The following SV2B variants were observed in gnomAD, a reference collection of about 807,000 sequenced individuals.
The protein encoded by SV2B is synaptic vesicle glycoprotein 2B.
In SV2B, 41 loss-of-function variants were observed where a neutral mutation model predicts 73.9. That is an observed-to-expected ratio of 0.56 (90% CI 0.43 to 0.72). The LOEUF (loss-of-function observed/expected upper bound fraction) is 0.72. Ranked by LOEUF, SV2B falls within the 30% of genes least tolerant of loss-of-function variation. The pLI is 0.00. For missense variants in SV2B, 764 were observed against 857.8 expected (o/e 0.89, Z 1.37); for synonymous variants, 314 against 314.2 (o/e 1.00, Z 0.01).
In SV2B at chr15:91,289,675, C is replaced by G. The variant is rs2048976752; in HGVS notation, c.1863C>G (p.Asn621Lys). Residue 621 changes from asparagine (N) to lysine (K), a missense_variant, in exon 12 of 13, where the codon AAC becomes AAG. Coordinates refer to ENST00000394232, the MANE Select transcript of SV2B (RefSeq NM_001323032.3). The surrounding 1 kb of genome is among the most constrained non-coding windows in gnomAD (Gnocchi z 4.9). Reference sequence around the variant, plus strand: ...TCACAGTGGAGCTGTATCCCACCAACCAGAGGTCAGTTCTTCCCCAGGCTT... The same window carrying G: ...TCACAGTGGAGCTGTATCCCACCAAGCAGAGGTCAGTTCTTCCCCAGGCTT... ...DVITVELYPT[N>K]QRATAFGILN... The G allele has an allele frequency of 6.8e-6, 11 of 1,612,344 alleles. No homozygotes were observed. The highest frequency in any genetic ancestry group is 9.3e-6 in the Non-Finnish European group (11 of 1,179,480).
At chr15:91,237,665 G>T (rs2046841325) in intron 2 of SV2B, among the ~76,000 whole-genome samples, 1 of 152,182 alleles carries the variant, frequency 6.6e-6, no homozygotes, top group Non-Finnish European at 1.5e-5. Flanking sequence ...CTGCTGAGAT[G>T]TCAGGGTTTT....
At chr15:91,155,536 A>G (rs1310296881) in intron 1 of SV2B, among the ~76,000 whole-genome samples, 1 of 152,168 alleles carries the variant, frequency 6.6e-6, no homozygotes, top group Non-Finnish European at 1.5e-5. Context: ...CCCAAGATGC[A>G]GGAGAGGACT....
intron 1 of SV2B, among the ~76,000 whole-genome samples, chr15:91,134,901 C>T (rs1006092919): frequency 4.2e-4 from 64 of 152,174 alleles, no homozygotes; most frequent in African/African-American, 1.3e-3. Context: ...CCCAACCATT[C>T]GTTCTAATGC....
At chr15:91,206,158 C>T (rs1013465341) in intron 1 of SV2B, among the ~76,000 whole-genome samples, 2 of 149,854 alleles carry the variant, frequency 1.3e-5, no homozygotes, top group Non-Finnish European at 1.5e-5. Flanking sequence ...CTGCCTCACC[C>T]TTCTGAGTAG....
chr15:91,155,850 T>C (rs1406074545), intron 1 of SV2B, among the ~76,000 whole-genome samples: 2 of 152,194 alleles, frequency 1.3e-5, no homozygotes, highest in African/African-American at 4.8e-5. Flanking sequence ...TTAAGGTAGA[T>C]AGTTGTCTGG....
In SV2B at chr15:91,226,181, A is replaced by G; in HGVS notation, c.-83A>G. On this transcript the variant is annotated 5_prime_UTR_variant, in exon 2 of 13. It removes an upstream start codon present in the reference 5' UTR. Transcript: ENST00000394232. ...TCACATTTGAACTACATAATGAATGATGGTTATTGAAATAGCCCAAACCTC... is the reference window on the plus strand; with the variant it reads ...TCACATTTGAACTACATAATGAATGGTGGTTATTGAAATAGCCCAAACCTC... 1 of 1,305,898 alleles carries G rather than the reference A, an allele frequency of 7.7e-7. No individual in the cohort carries two copies. The highest frequency in any genetic ancestry group is 1.1e-6 in the Non-Finnish European group (1 of 928,942). 80.9% of individuals were successfully genotyped at this position (1,305,898 alleles called of 1,614,324 possible).
intron 1 of SV2B, among the ~76,000 whole-genome samples, chr15:91,155,838 C>G (rs1017584085): frequency 1.3e-5 from 2 of 152,028 alleles, no homozygotes; most frequent in South Asian, 4.2e-4. Flanking sequence ...TGTTCCAGAC[C>G]GTTAAGGTAG....
At chr15:91,178,104 G>A (rs2044393531) in intron 1 of SV2B, among the ~76,000 whole-genome samples, 1 of 142,050 alleles carries the variant, frequency 7.0e-6, no homozygotes, top group South Asian at 2.3e-4. Context: ...TAGCATGAAG[G>A]TTGTTGAATT....
At chr15:91,192,909 C>T (rs1270009419) in intron 1 of SV2B, among the ~76,000 whole-genome samples, 2 of 152,328 alleles carry the variant, frequency 1.3e-5, no homozygotes, top group African/African-American at 2.4e-5. Flanking sequence ...TGGATGGATG[C>T]AGTACATTGG....
At chr15:91,275,541 T>C (rs1489948399) in intron 9 of SV2B, among the ~76,000 whole-genome samples, 2 of 152,124 alleles carry the variant, frequency 1.3e-5, no homozygotes, top group Admixed American at 1.3e-4. Context: ...AGAAGAAAAA[T>C]AGGCTGGACA....
intron 1 of SV2B, among the ~76,000 whole-genome samples, chr15:91,113,084 G>T (rs1044246842): frequency 6.6e-6 from 1 of 152,074 alleles, no homozygotes; most frequent in African/African-American, 2.4e-5. Context: ...CTCTCACCTT[G>T]GCCTCTCCTA....
At chr15:91,107,195 G>C (rs192048891) in intron 1 of SV2B, among the ~76,000 whole-genome samples, 1 of 152,148 alleles carries the variant, frequency 6.6e-6, no homozygotes, top group African/African-American at 2.4e-5. Flanking sequence ...TCATTTTTAC[G>C]TGTGGTTACT....
In SV2B at chr15:91,106,063, TA is replaced by T. The variant is rs1471059521; in HGVS notation, c.-392+5707del. On this transcript the variant is annotated intron_variant, in intron 1 of 12. Transcript: ENST00000394232. The surrounding 1 kb of genome is among the most constrained non-coding windows in gnomAD (Gnocchi z 4.4). ...AGATCATGTCAAAAATAAATAAAAATAAAAAAAGATGGTGAGAAGTGGCTAA... is the reference window on the plus strand; with the variant it reads ...AGATCATGTCAAAAATAAATAAAAATAAAAAAGATGGTGAGAAGTGGCTAA... 1.3e-5 allele frequency among the ~76,000 whole-genome samples: 2 copies of T among 151,560 alleles called. No homozygotes were observed. Among genetic ancestry groups the T allele is most frequent in the African/African-American group, 4.9e-5 (2 of 41,196 alleles).
intron 1 of SV2B, among the ~76,000 whole-genome samples, chr15:91,175,839 C>CT (rs996349143): frequency 1.0e-4 from 15 of 149,662 alleles, no homozygotes; most frequent in Middle Eastern, 3.5e-3. Flanking sequence ...CGTGAATTTT[C>CT]TTTTTTTTTG....
chr15:91,153,823 GGGC>G, intron 1 of SV2B, among the ~76,000 whole-genome samples: 1 of 152,012 alleles, frequency 6.6e-6, no homozygotes, highest in Non-Finnish European at 1.5e-5. Context: ...GCAGGGGCAG[GGGC>G]AGGGGACAGT....
chr15:91,237,451 G>C (rs1384009457), intron 2 of SV2B, among the ~76,000 whole-genome samples: 3 of 152,246 alleles, frequency 2.0e-5, no homozygotes, highest in African/African-American at 7.2e-5. Flanking sequence ...TGCACTAGAT[G>C]AATGTCCTTA....
intron 1 of SV2B, among the ~76,000 whole-genome samples, chr15:91,194,980 A>G (rs1371877097): frequency 7.3e-6 from 1 of 137,606 alleles, no homozygotes; most frequent in Non-Finnish European, 1.5e-5. Flanking sequence ...GATCAGAATG[A>G]AGATGAAGGC....
In SV2B at chr15:91,132,916, C is replaced by T. The variant is rs187359831; in HGVS notation, c.-392+32553C>T. Among the ~76,000 whole-genome samples the T allele has an allele frequency of 3.7e-4, 56 of 152,264 alleles. No individual in the cohort carries two copies. The highest frequency in any genetic ancestry group is 3.0e-3 in the Admixed American group (46 of 15,298). Reference sequence around the variant, plus strand: ...CTCTGGTTCCTCATGGGAATTGGCGCCATTTCACTTAAGGCCAGTGCATAA... The same window carrying T: ...CTCTGGTTCCTCATGGGAATTGGCGTCATTTCACTTAAGGCCAGTGCATAA... On this transcript the variant is annotated intron_variant, in intron 1 of 12. Coordinates refer to ENST00000394232, the MANE Select transcript of SV2B (RefSeq NM_001323032.3). The surrounding 1 kb of genome is among the most constrained non-coding windows in gnomAD (Gnocchi z 4.6).
chr15:91,118,144 A>G lies in SV2B; in HGVS notation c.-392+17781A>G, dbSNP rs181926574. 6.6e-6 allele frequency among the ~76,000 whole-genome samples: 1 copy of G among 152,302 alleles called. No individual in the cohort carries two copies. The highest frequency in any genetic ancestry group is 1.9e-4 in the East Asian group (1 of 5,178). On this transcript the variant is annotated intron_variant, in intron 1 of 12. Transcript: ENST00000394232. This position sits in a 1 kb window ranked among gnomAD's most constrained non-coding sequence, Gnocchi z 4.7. ...ACTTTTTGTTCCCCATAAAACCAAGAAAAGGGCCTCCAAGAGACTCCCTTA... is the reference window on the plus strand; with the variant it reads ...ACTTTTTGTTCCCCATAAAACCAAGGAAAGGGCCTCCAAGAGACTCCCTTA...
Sources: allele counts gnomAD v4.1 joint callset (sites outside exome capture counted in the v4.1 genomes callset), GRCh38; gene constraint gnomAD v4.1.1; non-coding constraint Gnocchi (gnomAD v3.1); transcripts MANE v1.5; gene names NCBI Gene and HGNC (gene_info 2026-07-23, HGNC 2026-07-21).